Variants in NPHP4 observed in about 807,000 individuals in gnomAD.
The protein encoded by NPHP4 is nephrocystin-4.
A neutral mutation model predicts 155.8 loss-of-function variants in NPHP4; 151 were observed. The observed-to-expected ratio is 0.97, with a 90% CI of 0.85 to 1.11. The LOEUF is 1.11. Ranked by LOEUF, NPHP4 falls within the 50% of genes least tolerant of loss-of-function variation. The probability of loss-of-function intolerance (pLI) is 0.00; values close to 1 mark genes in which losing one functional copy is unlikely to be tolerated. For missense variants in NPHP4, 1,956 were observed against 1,925.7 expected (o/e 1.02, Z -0.29); for synonymous variants, 845 against 816.8 (o/e 1.03, Z -0.59).
intron 16 of NPHP4, among the ~76,000 whole-genome samples, chr1:5,902,490 A>G (rs1174788924): frequency 6.6e-6 from 1 of 152,258 alleles, no homozygotes; most frequent in East Asian, 1.9e-4. Context: ...GACTGTGCCC[A>G]TGGACAAGAA....
intron 3 of NPHP4, among the ~76,000 whole-genome samples, chr1:5,974,372 T>C (rs888049676): frequency 3.3e-5 from 5 of 151,438 alleles, no homozygotes; most frequent in African/African-American, 1.2e-4. Flanking sequence ...CCCAAATAAA[T>C]AAAGGAGGGA....
intron 25 of NPHP4, among the ~76,000 whole-genome samples, chr1:5,866,748 T>C (rs1367264182): frequency 1.3e-5 from 2 of 152,236 alleles, no homozygotes; most frequent in East Asian, 1.9e-4. Context: ...TAATGGTAAT[T>C]AATAAGTGCC....
At chr1:5,964,434 C>T (rs1166583635) in intron 5 of NPHP4, among the ~76,000 whole-genome samples, 2 of 152,200 alleles carry the variant, frequency 1.3e-5, no homozygotes, top group Non-Finnish European at 2.9e-5. Context: ...CAAACTAGAA[C>T]AGGTGAGCCC....
intron 5 of NPHP4, among the ~76,000 whole-genome samples, chr1:5,966,188 T>C (rs1651467194): frequency 6.6e-6 from 1 of 152,098 alleles, no homozygotes; most frequent in Admixed American, 6.5e-5. Flanking sequence ...TCAGCTGACA[T>C]CTCCTATCAC....
intron 5 of NPHP4, among the ~76,000 whole-genome samples, chr1:5,966,746 C>T (rs907050133): frequency 4.6e-5 from 7 of 152,132 alleles, no homozygotes; most frequent in African/African-American, 1.7e-4. Flanking sequence ...CCTTCTAGCC[C>T]ACTCCCACCC....
chr1:5,932,009 G>C (rs1646301060), intron 10 of NPHP4, among the ~76,000 whole-genome samples: 3 of 152,094 alleles, frequency 2.0e-5, no homozygotes, highest in Admixed American at 2.0e-4. Context: ...AGGAGTTCAA[G>C]GCTGCAGTGA....
At position 5,876,815 on chromosome 1, in the gene NPHP4, C is replaced by T. The variant is rs1336547132; in HGVS notation, c.2817+278G>A. On this transcript the variant is annotated intron_variant, in intron 20 of 29. Transcript: ENST00000378156. ...GAGAGCCTCAGAATCACCTGCAAAG[C>T]TTTCTTCAAACCCAGGCTCCAGGGG... The T allele has an allele frequency of 3.5e-5, 12 of 346,360 alleles. No homozygotes were observed. The East Asian group carries it at 5.3e-4, about 15-fold the overall frequency. 21.5% of individuals were successfully genotyped at this position (346,360 alleles called of 1,614,324 possible).
chr1:5,917,830 T>C (rs887552569), intron 11 of NPHP4, among the ~76,000 whole-genome samples: 1 of 151,976 alleles, frequency 6.6e-6, no homozygotes, highest in Admixed American at 6.6e-5. Flanking sequence ...CGTGGCTACT[T>C]CTAACCCGGG....
Position 5,887,469 on chromosome 1 carries a change from G to A in NPHP4, c.2305-3C>T, listed in dbSNP as rs1439485703. 6.2e-7 allele frequency: 1 copy of A among 1,612,692 alleles called. No individual in the cohort carries two copies. Among genetic ancestry groups the A allele is most frequent in the African/African-American group, 1.3e-5 (1 of 74,932 alleles). ...GGCCGGCCTTGGCGGAGGAGATGCTGCAGAAGAGAAAAGCGCGTTCAGAGG... is the reference window on the plus strand; with the variant it reads ...GGCCGGCCTTGGCGGAGGAGATGCTACAGAAGAGAAAAGCGCGTTCAGAGG... On this transcript the variant is annotated splice_polypyrimidine_tract_variant and splice_region_variant and intron_variant, in intron 17 of 29. Transcript: ENST00000378156.
At chr1:5,972,515 C>A (rs1157314585) in intron 3 of NPHP4, among the ~76,000 whole-genome samples, 1 of 152,196 alleles carries the variant, frequency 6.6e-6, no homozygotes, top group Non-Finnish European at 1.5e-5. Context: ...AATACAACAT[C>A]TTATCCATCT....
At chr1:5,915,498 G>A (rs1307475077) in intron 11 of NPHP4, among the ~76,000 whole-genome samples, 1 of 152,206 alleles carries the variant, frequency 6.6e-6, no homozygotes, top group African/African-American at 2.4e-5. Context: ...CTAAGAGTTT[G>A]AAAACAGGAA....
intron 9 of NPHP4, among the ~76,000 whole-genome samples, chr1:5,941,559 T>TA (rs1646817624): frequency 6.6e-6 from 1 of 151,948 alleles, no homozygotes; most frequent in Non-Finnish European, 1.5e-5. Flanking sequence ...ATCCTTAACA[T>TA]ACAAAGAACT....
chr1:5,868,240 G>A (rs901547045), intron 23 of NPHP4: 11 of 389,266 alleles, frequency 2.8e-5, no homozygotes, highest in South Asian at 4.1e-5. Context: ...CCCACCTCCC[G>A]ACACCCTGTG....
At chr1:5,979,240 C>T (rs2102382604) in intron 2 of NPHP4, among the ~76,000 whole-genome samples, 1 of 152,204 alleles carries the variant, frequency 6.6e-6, no homozygotes, top group South Asian at 2.1e-4. Context: ...CTCTGCCAGG[C>T]ACATTTCCAG....
chr1:5,908,568 A>C (rs1266600365), intron 12 of NPHP4, among the ~76,000 whole-genome samples: 1 of 152,208 alleles, frequency 6.6e-6, no homozygotes, highest in African/African-American at 2.4e-5. Context: ...AACGGCAGCC[A>C]AGCAGGAGCT....
rs369678074 is a variant in NPHP4, at chr1:5,892,069, T to G, written c.2144-1041A>C. ...TTGGGGCAGAAAGGCAAATAAGGAATCTGGAGGAAGACCAAGGAGGAGCTG... is the reference window on the plus strand; with the variant it reads ...TTGGGGCAGAAAGGCAAATAAGGAAGCTGGAGGAAGACCAAGGAGGAGCTG... On this transcript the variant is annotated intron_variant, in intron 16 of 29. Transcript: ENST00000378156. The surrounding 1 kb of genome is among the most constrained non-coding windows in gnomAD (Gnocchi z 4.5). Among the ~76,000 whole-genome samples, 5 of 152,210 alleles carry G rather than the reference T, an allele frequency of 3.3e-5. No individual in the cohort carries two copies. Among genetic ancestry groups the G allele is most frequent in the African/African-American group, 1.2e-4 (5 of 41,532 alleles).
At chr1:5,990,384 A>G (rs959364884) in intron 1 of NPHP4, among the ~76,000 whole-genome samples, 2 of 152,158 alleles carry the variant, frequency 1.3e-5, no homozygotes, top group Admixed American at 6.5e-5. Context: ...CAACAATAAA[A>G]GAGAAAATCG....
At chr1:5,868,298 G>C (rs981561393) in intron 23 of NPHP4, 5 of 340,378 alleles carry the variant, frequency 1.5e-5, no homozygotes, top group Non-Finnish European at 2.9e-5. Flanking sequence ...GGTGGTGGCA[G>C]GGCCAAGTTC....
At chr1:5,957,283 AG>A (rs1353605993) in intron 6 of NPHP4, among the ~76,000 whole-genome samples, 2 of 152,230 alleles carry the variant, frequency 1.3e-5, no homozygotes, top group African/African-American at 4.8e-5. Context: ...CAGAGAAAAC[AG>A]GGATTGCCAG....
Sources: gnomAD v4.1 joint callset for allele counts (sites outside exome capture counted in the v4.1 genomes callset) on GRCh38, gnomAD v4.1.1 for gene constraint, Gnocchi (gnomAD v3.1) non-coding constraint, MANE v1.5 for transcripts, NCBI Gene and HGNC (gene_info 2026-07-23, HGNC 2026-07-21) for gene names.